Variants in MACC1 observed in about 807,000 individuals in gnomAD.
The protein encoded by MACC1 is metastasis-associated in colon cancer protein 1.
In MACC1, 79 loss-of-function variants were observed where a neutral mutation model predicts 70.7. That is an observed-to-expected ratio of 1.12 (90% confidence interval 0.93 to 1.35). The LOEUF is 1.35. MACC1 is among the 40% of genes most tolerant of loss of function. The pLI is 0.00. For missense variants in MACC1, 1,106 were observed against 978.1 expected (o/e 1.13, Z -1.74); for synonymous variants, 361 against 347.2 (o/e 1.04, Z -0.44).
intron 6 of MACC1, among the ~76,000 whole-genome samples, chr7:20,146,032 G>C (rs540333712): frequency 1.3e-5 from 2 of 151,776 alleles, no homozygotes; most frequent in Non-Finnish European, 2.9e-5. Context: ...GTGGTGGCAC[G>C]CGCCTGTAGT....
chr7:20,175,807 A>G (rs1782382419), intron 1 of MACC1, among the ~76,000 whole-genome samples: 1 of 152,134 alleles, frequency 6.6e-6, no homozygotes, highest in Non-Finnish European at 1.5e-5. Flanking sequence ...ACCTAATGCT[A>G]ATATGTTTGC....
chr7:20,211,776 G>C (rs1347830437), intron 1 of MACC1, among the ~76,000 whole-genome samples: 3 of 152,142 alleles, frequency 2.0e-5, no homozygotes, highest in African/African-American at 7.2e-5. Context: ...ATTCACTAGA[G>C]TAATTCTTTC....
At chr7:20,202,721 G>T (rs930752662) in intron 1 of MACC1, among the ~76,000 whole-genome samples, 7 of 152,204 alleles carry the variant, frequency 4.6e-5, no homozygotes, top group Non-Finnish European at 8.8e-5. Context: ...CATACTTCAT[G>T]TGGCTGTTGA....
intron 1 of MACC1, among the ~76,000 whole-genome samples, chr7:20,178,095 T>A (rs969372149): frequency 3.3e-5 from 5 of 152,158 alleles, no homozygotes; most frequent in African/African-American, 1.2e-4. Flanking sequence ...CATTTTGTAG[T>A]AAGTTTTAAG....
chr7:20,198,518 G>A (rs1782786674), intron 1 of MACC1: 1 of 152,188 alleles, frequency 6.6e-6, no homozygotes, highest in African/African-American at 2.4e-5. Flanking sequence ...AAACATTTAA[G>A]GCTTACCAGA....
intron 1 of MACC1, among the ~76,000 whole-genome samples, chr7:20,211,623 C>T (rs1334556039): frequency 6.6e-6 from 1 of 152,092 alleles, no homozygotes; most frequent in African/African-American, 2.4e-5. Flanking sequence ...TTGAGATAAA[C>T]AAGTATGTTT....
At chr7:20,203,607 A>C (rs546182829) in intron 1 of MACC1, among the ~76,000 whole-genome samples, 1 of 152,328 alleles carries the variant, frequency 6.6e-6, no homozygotes, top group Non-Finnish European at 1.5e-5. Flanking sequence ...AGCATCCTTC[A>C]TCTCCTCACC....
intron 6 of MACC1, among the ~76,000 whole-genome samples, chr7:20,152,715 G>T (rs1178796350): frequency 6.6e-6 from 1 of 152,106 alleles, no homozygotes; most frequent in African/African-American, 2.4e-5. Context: ...AAAAGTGGGT[G>T]GTTTGCTGGC....
At chr7:20,209,689 C>A (rs1212735595) in intron 1 of MACC1, among the ~76,000 whole-genome samples, 1 of 152,072 alleles carries the variant, frequency 6.6e-6, no homozygotes, top group Non-Finnish European at 1.5e-5. Context: ...TTGGGGGGGA[C>A]TATTGGAAAG....
At chr7:20,210,982 C>T (rs1478479409) in intron 1 of MACC1, among the ~76,000 whole-genome samples, 2 of 152,140 alleles carry the variant, frequency 1.3e-5, no homozygotes. Flanking sequence ...AAATTCTTCT[C>T]AGTACAAATA....
intron 1 of MACC1, among the ~76,000 whole-genome samples, chr7:20,192,742 T>A (rs1316705235): frequency 2.0e-5 from 3 of 152,216 alleles, no homozygotes; most frequent in Admixed American, 2.0e-4. Context: ...AACAAAGAAA[T>A]GCACACTGAA....
Position 20,203,410 on chromosome 7 carries a change from C to A in MACC1, c.-218+13889G>T, listed in dbSNP as rs370847507. Among the ~76,000 whole-genome samples, 410 of 152,234 alleles carry A rather than the reference C, an allele frequency of 2.7e-3. 1 individual carries two copies. Among genetic ancestry groups the A allele is most frequent in the South Asian group, 0.014 (66 of 4,816 alleles). ...CAGCAAATATTTATTGCTGCTGCTG[C>A]TGATGATGATGATGGTGTGTGCGTG... On this transcript the variant is annotated intron_variant, in intron 1 of 6. Coordinates refer to ENST00000400331, the MANE Select transcript of MACC1 (RefSeq NM_182762.4).
intron 1 of MACC1, among the ~76,000 whole-genome samples, chr7:20,193,330 C>A (rs563073508): frequency 3.9e-5 from 6 of 152,138 alleles, no homozygotes; most frequent in Non-Finnish European, 7.4e-5. Context: ...TTTCTAACAA[C>A]ATGAGAAATT....
Position 20,192,057 on chromosome 7 carries a change from AAGTT to A in MACC1, c.-217-21283_-217-21280del, listed in dbSNP as rs200162015. ...TATGTAATATATTTAATATAACTCTAAGTTAGTGACTTTAAGTCTGTTATTAAAG... is the reference window on the plus strand; with the variant it reads ...TATGTAATATATTTAATATAACTCTAAGTGACTTTAAGTCTGTTATTAAAG... On this transcript the variant is annotated intron_variant, in intron 1 of 6. Coordinates refer to ENST00000400331, the MANE Select transcript of MACC1 (RefSeq NM_182762.4). Among the ~76,000 whole-genome samples, 529 of 152,338 alleles carry A rather than the reference AAGTT, an allele frequency of 3.5e-3. 15 individuals are homozygous for A. The highest frequency in any genetic ancestry group is 0.031 in the Admixed American group (473 of 15,304).
intron 1 of MACC1, among the ~76,000 whole-genome samples, chr7:20,193,905 C>G (rs1419562648): frequency 1.3e-5 from 2 of 151,934 alleles, no homozygotes; most frequent in African/African-American, 4.8e-5. Flanking sequence ...CCCACACACA[C>G]CTTTAAGAAG....
At chr7:20,167,362 A>AT (rs1186890750) in intron 2 of MACC1, among the ~76,000 whole-genome samples, 2 of 151,374 alleles carry the variant, frequency 1.3e-5, no homozygotes, top group African/African-American at 4.9e-5. Context: ...CGCCCAGCTA[A>AT]TTTTTTGTAT....
intron 2 of MACC1, among the ~76,000 whole-genome samples, chr7:20,167,354 C>G (rs145240463): frequency 6.6e-6 from 1 of 151,844 alleles, no homozygotes; most frequent in East Asian, 1.9e-4. Flanking sequence ...TGCCACCACG[C>G]CCAGCTAATT....
At chr7:20,150,942 G>T (rs2128101378) in intron 6 of MACC1, among the ~76,000 whole-genome samples, 1 of 152,178 alleles carries the variant, frequency 6.6e-6, no homozygotes, top group South Asian at 2.1e-4. Context: ...CAGCTACTTG[G>T]GAGGCTGAGG....
At chr7:20,206,935 A>C (rs943977163) in intron 1 of MACC1, among the ~76,000 whole-genome samples, 2 of 152,192 alleles carry the variant, frequency 1.3e-5, no homozygotes. Context: ...GAACTTCTAC[A>C]AAATTAGTAT....
Sources: allele counts gnomAD v4.1 joint callset (sites outside exome capture counted in the v4.1 genomes callset), GRCh38; gene constraint gnomAD v4.1.1; transcripts MANE v1.5; gene names NCBI Gene and HGNC (gene_info 2026-07-23, HGNC 2026-07-21).